RASA3: variants seen among roughly 807,000 people sequenced by gnomAD.
RASA3 encodes the protein ras GTPase-activating protein 3.
A neutral mutation model predicts 110.0 loss-of-function variants in RASA3; 73 were observed. The ratio of observed to expected loss-of-function variants is 0.66; its 90% CI spans 0.55 to 0.81. RASA3 has a LOEUF of 0.81. Ranked by LOEUF, RASA3 falls within the 30% of genes least tolerant of loss-of-function variation. The pLI is 0.00. For missense variants in RASA3, 976 were observed against 1,113.2 expected (o/e 0.88, Z 1.75); for synonymous variants, 500 against 451.4 (o/e 1.11, Z -1.37).
chr13:114,053,393 C>G (rs59261566), intron 2 of RASA3, among the ~76,000 whole-genome samples: 1 of 152,352 alleles, frequency 6.6e-6, no homozygotes, highest in East Asian at 1.9e-4. Context: ...CTCCCCACGC[C>G]GGACCTGTTG....
intron 1 of RASA3, among the ~76,000 whole-genome samples, chr13:114,100,142 G>A (rs369332969): frequency 2.2e-4 from 33 of 151,460 alleles, no homozygotes; most frequent in East Asian, 1.2e-3. Context: ...CAAACTCTGC[G>A]CAATAGGAAG....
At chr13:114,015,078 A>G in intron 14 of RASA3, 131 bp downstream of exon 14, 3 of 1,275,234 alleles carry the variant, frequency 2.4e-6, no homozygotes. Flanking sequence ...AAAATCCAGC[A>G]TCGGAACTGG....
intron 4 of RASA3, among the ~76,000 whole-genome samples, chr13:114,039,423 C>T (rs1339264271): frequency 3.3e-5 from 5 of 152,134 alleles, no homozygotes; most frequent in Non-Finnish European, 7.4e-5. Flanking sequence ...TGTGCCACAA[C>T]CCTACACTCA....
intron 1 of RASA3, among the ~76,000 whole-genome samples, chr13:114,091,875 G>A (rs1365470504): frequency 6.6e-6 from 1 of 152,122 alleles, no homozygotes; most frequent in Non-Finnish European, 1.5e-5. Flanking sequence ...CGTCTGTTCA[G>A]GTTCTGTTTC....
Position 113,981,877 on chromosome 13 carries a change from T to TCAGCG in RASA3, c.2246-24_2246-20dup, listed in dbSNP as rs1213127752. The TCAGCG allele has an allele frequency of 1.2e-6, 2 of 1,609,402 alleles. No homozygotes were observed. Among genetic ancestry groups the TCAGCG allele is most frequent in the Non-Finnish European group, 1.7e-6 (2 of 1,178,084 alleles). ...CAGGCCTCTGTGGAGGGCGGAGGGG[T>TCAGCG]CAGCGCAGGGCAGGAGCCCAGGCCA... On this transcript the variant is annotated intron_variant, in intron 22 of 23. Coordinates refer to ENST00000334062, the MANE Select transcript of RASA3 (RefSeq NM_007368.4).
intron 1 of RASA3, among the ~76,000 whole-genome samples, chr13:114,126,390 G>A (rs898536879): frequency 6.6e-6 from 1 of 152,148 alleles, no homozygotes; most frequent in Non-Finnish European, 1.5e-5. Context: ...CATAACACCA[G>A]CCCAACCCAA....
chr13:114,029,654 C>T (rs1433332344), intron 5 of RASA3, among the ~76,000 whole-genome samples, 157 bp downstream of exon 5: 1 of 146,746 alleles, frequency 6.8e-6, no homozygotes, highest in African/African-American at 2.7e-5. Context: ...CCTAAAACAG[C>T]ATCATCCTGG....
chr13:114,029,766 A>G (rs1017925291), intron 5 of RASA3, 45 bp downstream of exon 5: 1 of 1,537,296 alleles, frequency 6.5e-7, no homozygotes, highest in East Asian at 2.4e-5. Context: ...GGAGCCAGAC[A>G]TGCCACTCGC....
chr13:114,060,444 C>T (rs1408344727), intron 2 of RASA3, among the ~76,000 whole-genome samples: 3 of 152,238 alleles, frequency 2.0e-5, no homozygotes, highest in Non-Finnish European at 2.9e-5. Context: ...TCACCCAAGC[C>T]TCCACAGGTG....
intron 23 of RASA3, among the ~76,000 whole-genome samples, chr13:113,979,754 T>C (rs1365960405): frequency 1.3e-5 from 2 of 152,022 alleles, no homozygotes; most frequent in Non-Finnish European, 2.9e-5. Context: ...AGTGTGCTCA[T>C]GTGTGGGGAG....
At chr13:113,981,611 C>T (rs1406708214) in intron 23 of RASA3, 64 bp downstream of exon 23, 8 of 1,548,660 alleles carry the variant, frequency 5.2e-6, no homozygotes, top group Admixed American at 1.7e-5. Context: ...TGCAGCCCCA[C>T]CCCCACTGCA....
At chr13:114,046,440 C>T (rs1476062510) in intron 3 of RASA3, among the ~76,000 whole-genome samples, 4 of 152,220 alleles carry the variant, frequency 2.6e-5, no homozygotes, top group Non-Finnish European at 2.9e-5. Context: ...TCCCCATAGG[C>T]AGGGTGTTGA....
intron 1 of RASA3, among the ~76,000 whole-genome samples, chr13:114,092,638 G>A (rs1450502592): frequency 6.6e-6 from 1 of 152,174 alleles, no homozygotes; most frequent in Non-Finnish European, 1.5e-5. Context: ...GTATTCTGCA[G>A]CTGTTGGATG....
chr13:114,038,736 A>T (rs909200891), intron 4 of RASA3, among the ~76,000 whole-genome samples: 2 of 152,018 alleles, frequency 1.3e-5, no homozygotes, highest in African/African-American at 4.8e-5. Context: ...TTCCCAGAGG[A>T]CGAGGGTTCC....
chr13:114,111,133 G>GA (rs1389706812), intron 1 of RASA3, among the ~76,000 whole-genome samples: 8 of 96,028 alleles, frequency 8.3e-5, no homozygotes, highest in African/African-American at 1.3e-4. Context: ...AGTTCTAACG[G>GA]GCTGAGCCTC....
At chr13:114,038,251 G>A (rs1180109883) in intron 4 of RASA3, among the ~76,000 whole-genome samples, 3 of 152,368 alleles carry the variant, frequency 2.0e-5, no homozygotes, top group South Asian at 4.1e-4. Flanking sequence ...TCGCCGACAC[G>A]CAGGCGGGAG....
chr13:114,018,224 A>G lies in RASA3; in HGVS notation c.971T>C (p.Leu324Pro). Residue 324 changes from leucine (L) to proline (P), a missense_variant, in exon 11 of 24, where the codon CTG (leucine) becomes CCG (proline). Leu to Pro is a moderately conservative substitution (Grantham distance 98). Coordinates refer to ENST00000334062, the MANE Select transcript of RASA3 (RefSeq NM_007368.4). ...CTGCTTCTCCCGGCAAACCTCGCCCAGGATGTGGGCCGCAGACGCTGACAC... is the reference window on the plus strand; with the variant it reads ...CTGCTTCTCCCGGCAAACCTCGCCCGGGATGTGGGCCGCAGACGCTGACAC... Reference protein sequence around the residue: ...EPVSASAAHILGEVCREKQEA... With the variant: ...EPVSASAAHIPGEVCREKQEA... The G allele has an allele frequency of 1.3e-6, 2 of 1,553,810 alleles. No homozygotes were observed. The highest frequency in any genetic ancestry group is 1.7e-6 in the Non-Finnish European group (2 of 1,149,084).
At chr13:114,037,355 T>C (rs1423916963) in intron 4 of RASA3, among the ~76,000 whole-genome samples, 6 of 152,156 alleles carry the variant, frequency 3.9e-5, no homozygotes, top group African/African-American at 1.4e-4. Flanking sequence ...AAGGAGGTTC[T>C]GATACCACAA....
Position 114,007,615 on chromosome 13 carries a change from G to T in RASA3, c.1669-9C>A. On this transcript the variant is annotated splice_polypyrimidine_tract_variant and intron_variant, in intron 17 of 23. Coordinates refer to ENST00000334062, the MANE Select transcript of RASA3 (RefSeq NM_007368.4). ...GAAATCAGATCCAAGAACTAAAGTT[G>T]GAAGAAATCAGGTCACCGGGAGGAA... 2 of 1,608,920 alleles carry T rather than the reference G, an allele frequency of 1.2e-6. No individual in the cohort carries two copies. Among genetic ancestry groups the T allele is most frequent in the Non-Finnish European group, 1.7e-6 (2 of 1,176,074 alleles).
Sources: gnomAD v4.1 joint callset for allele counts (sites outside exome capture counted in the v4.1 genomes callset) on GRCh38, gnomAD v4.1.1 for gene constraint, MANE v1.5 for transcripts, NCBI Gene and HGNC (gene_info 2026-07-23, HGNC 2026-07-21) for gene names.